The following EPB41L2 variants were observed in gnomAD, a reference collection of about 807,000 sequenced individuals.
The protein encoded by EPB41L2 is erythrocyte membrane protein band 4.1 like 2.
EPB41L2 carries 43 observed loss-of-function variants against 113.0 expected under a neutral mutation model. The observed-to-expected ratio is 0.38, with a 90% CI of 0.30 to 0.49. The LOEUF (loss-of-function observed/expected upper bound fraction) is 0.49, where lower values mean the gene tolerates loss of function less well. Among genes scored for constraint, EPB41L2 ranks in the 20% least tolerant of loss-of-function variants. EPB41L2 has a pLI of 0.95. For missense variants in EPB41L2, 1,147 were observed against 1,223.4 expected (o/e 0.94, Z 0.93); for synonymous variants, 442 against 436.7 (o/e 1.01, Z -0.15).
At chr6:130,868,774 T>C (rs1784713854) in intron 15 of EPB41L2, 1 of 152,192 alleles carries the variant, frequency 6.6e-6, no homozygotes, top group African/African-American at 2.4e-5. Flanking sequence ...ACACTGCACT[T>C]AGTGACCAAA....
intron 1 of EPB41L2, among the ~76,000 whole-genome samples, chr6:130,982,003 T>C (rs1353685916): frequency 6.6e-6 from 1 of 152,056 alleles, no homozygotes; most frequent in Non-Finnish European, 1.5e-5. Context: ...ATAATAGTGA[T>C]TTTAAAAGTT....
At chr6:130,948,159 C>CT (rs1304004925) in intron 3 of EPB41L2, among the ~76,000 whole-genome samples, 1 of 152,148 alleles carries the variant, frequency 6.6e-6, no homozygotes, top group Non-Finnish European at 1.5e-5. Context: ...AAAAGATACT[C>CT]TAACTATAAA....
At chr6:131,007,479 G>A (rs1440223185) in intron 1 of EPB41L2, among the ~76,000 whole-genome samples, 3 of 152,134 alleles carry the variant, frequency 2.0e-5, no homozygotes, top group Admixed American at 6.5e-5. Flanking sequence ...GTGGGGTGCC[G>A]CTGTAAAGAT....
chr6:130,972,937 C>CAAAAAAAAAAAAAAAAAAAAAAAAA (rs57293132), intron 1 of EPB41L2, among the ~76,000 whole-genome samples: 10 of 59,514 alleles, frequency 1.7e-4, no homozygotes, highest in Admixed American at 7.8e-4. Flanking sequence ...ACTAAAGATA[C>CAAAAAAAAAAAAAAAAAAAAAAAAA]AAAAAAAAAA....
At chr6:130,854,742 T>C (rs1056406667) in intron 19 of EPB41L2, among the ~76,000 whole-genome samples, 6 of 152,204 alleles carry the variant, frequency 3.9e-5, no homozygotes, top group African/African-American at 1.4e-4. Context: ...TTAGAATAAG[T>C]CCTATGAGTT....
Position 131,032,975 on chromosome 6 carries a change from A to C in EPB41L2, c.-15+30180T>G, listed in dbSNP as rs1792518871. The stretch of plus-strand genomic sequence containing the variant: ...ACTGCAACCTCTGTCACCCGGATTC[A>C]AGCAATTCTCCTGCCTCAGCCTCCC... On this transcript the variant is annotated intron_variant, in intron 1 of 19. Transcript: ENST00000337057. Among the ~76,000 whole-genome samples, 3 of 152,302 alleles carry C rather than the reference A, an allele frequency of 2.0e-5. No individual in the cohort carries two copies. In the South Asian group the frequency reaches 6.2e-4, roughly 32 times the overall value.
rs553485068 is a variant in EPB41L2 at position 131,045,688 on chromosome 6, G to A, written c.-15+17467C>T. ...GTTATTTATTTCAGCCCATTTTGTA[G>A]CTAATAAGACAATCTAGGAACAGCT... On this transcript the variant is annotated intron_variant, in intron 1 of 19. Coordinates refer to ENST00000337057, the MANE Select transcript of EPB41L2 (RefSeq NM_001431.4). 4.1e-4 allele frequency among the ~76,000 whole-genome samples: 62 copies of A among 152,242 alleles called. 1 individual carries two copies. The highest frequency in any genetic ancestry group is 3.4e-3 in the Middle Eastern group (1 of 294).
At chr6:131,058,037 A>G (rs1797928275) in intron 1 of EPB41L2, among the ~76,000 whole-genome samples, 1 of 152,208 alleles carries the variant, frequency 6.6e-6, no homozygotes, top group Non-Finnish European at 1.5e-5. Flanking sequence ...TTATCCTTCA[A>G]TTTATTCCAG....
intron 1 of EPB41L2, among the ~76,000 whole-genome samples, chr6:131,041,818 T>C (rs1794509896): frequency 6.6e-6 from 1 of 152,188 alleles, no homozygotes. Context: ...AAACCAAACA[T>C]AATATAGATC....
intron 18 of EPB41L2, among the ~76,000 whole-genome samples, chr6:130,858,840 A>G (rs1416584817): frequency 1.3e-5 from 2 of 152,286 alleles, no homozygotes; most frequent in African/African-American, 4.8e-5. Flanking sequence ...AAAGAGCAGT[A>G]GCAACAACAT....
chr6:130,850,809 A>G lies in EPB41L2; in HGVS notation c.*5+7322T>C, dbSNP rs558959017. ...GAATGAGTGACTACTGCCTGGTCTT[A>G]ATGTACGCATTAGAGCAGTGGTACC... On this transcript the variant is annotated intron_variant, in intron 19 of 19. Transcript: ENST00000337057. Among the ~76,000 whole-genome samples, 3 of 152,344 alleles carry G rather than the reference A, an allele frequency of 2.0e-5. No homozygotes were observed. The East Asian group carries it at 5.8e-4, about 29-fold the overall frequency.
At chr6:131,006,825 A>G (rs1266461025) in intron 1 of EPB41L2, among the ~76,000 whole-genome samples, 2 of 151,982 alleles carry the variant, frequency 1.3e-5, no homozygotes, top group Non-Finnish European at 1.5e-5. Context: ...CGACCTCTGA[A>G]TATCTATCTT....
Position 130,956,531 on chromosome 6 carries a change from T to C in EPB41L2, c.-14-32A>G, listed in dbSNP as rs1347336882. The C allele has an allele frequency of 2.6e-6, 4 of 1,553,094 alleles. No individual in the cohort carries two copies. The Admixed American group carries it at 7.9e-5, about 31-fold the overall frequency. ...TCAAAACAAAAATCATAAAATGTCA[T>C]TTTGTAAGTTCTCTCAAATTTAGTT... On this transcript the variant is annotated intron_variant, in intron 1 of 19. Transcript: ENST00000337057.
chr6:130,943,241 C>T (rs1457105124), intron 3 of EPB41L2, among the ~76,000 whole-genome samples: 1 of 152,228 alleles, frequency 6.6e-6, no homozygotes, highest in Non-Finnish European at 1.5e-5. Flanking sequence ...TATTTCTCCA[C>T]ATCCTCTCCA....
rs1238264939 is a variant in EPB41L2, at chr6:131,019,181, C to A, written c.-15+43974G>T. Among the ~76,000 whole-genome samples, 3 of 152,286 alleles carry A rather than the reference C, an allele frequency of 2.0e-5. No individual in the cohort carries two copies. The East Asian group carries it at 5.8e-4, about 29-fold the overall frequency. ...CTCCATTTATCCAGCCCTTCTTTCA[C>A]ATCCTTCAATGTTTCAAGATTTATC... On this transcript the variant is annotated intron_variant, in intron 1 of 19. Coordinates refer to ENST00000337057, the MANE Select transcript of EPB41L2 (RefSeq NM_001431.4).
chr6:130,993,277 G>A (rs540620169), intron 1 of EPB41L2, among the ~76,000 whole-genome samples: 1 of 152,258 alleles, frequency 6.6e-6, no homozygotes, highest in African/African-American at 2.4e-5. Context: ...ATGACATCTA[G>A]TGGCTATAGA....
At chr6:131,047,154 TTAAA>T (rs962959599) in intron 1 of EPB41L2, among the ~76,000 whole-genome samples, 1 of 151,996 alleles carries the variant, frequency 6.6e-6, no homozygotes, top group African/African-American at 2.4e-5. Context: ...ACTACAAGAA[TTAAA>T]TAAATAAATA....
chr6:130,998,988 G>A (rs1172509990), intron 1 of EPB41L2, among the ~76,000 whole-genome samples: 1 of 152,112 alleles, frequency 6.6e-6, no homozygotes, highest in African/African-American at 2.4e-5. Flanking sequence ...TGCCCAGGAT[G>A]AAAGCTATCA....
intron 19 of EPB41L2, among the ~76,000 whole-genome samples, chr6:130,846,574 T>C (rs952401617): frequency 1.3e-5 from 2 of 152,252 alleles, no homozygotes; most frequent in Non-Finnish European, 2.9e-5. Context: ...GTATCTGTTC[T>C]ACAAATAATT....
Sources: gnomAD v4.1 joint callset for allele counts (sites outside exome capture counted in the v4.1 genomes callset) on GRCh38, gnomAD v4.1.1 for gene constraint, MANE v1.5 for transcripts, NCBI Gene and HGNC (gene_info 2026-07-23, HGNC 2026-07-21) for gene names.